The following ZFYVE28 variants were observed in gnomAD, a reference collection of about 807,000 sequenced individuals.
ZFYVE28 encodes lateral signaling target protein 2 homolog.
ZFYVE28 carries 40 observed loss-of-function variants against 82.1 expected under a neutral mutation model. The ratio of observed to expected loss-of-function variants is 0.49; its 90% confidence interval spans 0.38 to 0.63. The LOEUF (loss-of-function observed/expected upper bound fraction) is 0.63. ZFYVE28 is among the 30% of genes least tolerant of loss of function. The probability of loss-of-function intolerance (pLI) is 0.00; values close to 1 mark genes in which losing one functional copy is unlikely to be tolerated. For synonymous variants in ZFYVE28, 612 were observed against 546.1 expected, an observed-to-expected ratio of 1.12 and a Z score of -1.68; for missense variants, 1,321 against 1,242.1, an observed-to-expected ratio of 1.06 and a Z score of -0.96.
chr4:2,352,227 A>G (rs1271489081), intron 2 of ZFYVE28, among the ~76,000 whole-genome samples: 1 of 152,090 alleles, frequency 6.6e-6, no homozygotes, highest in Non-Finnish European at 1.5e-5. Context: ...GGGAGCTGGG[A>G]GGAACACCGG....
At position 2,409,492 on chromosome 4, in the gene ZFYVE28, A is replaced by T. The variant is rs1732283608; in HGVS notation, c.39+8793T>A. On this transcript the variant is annotated intron_variant, in intron 1 of 12. Transcript: ENST00000290974. This position sits in a 1 kb window ranked among gnomAD's most constrained non-coding sequence, Gnocchi z 4.4. Reference sequence around the variant, plus strand: ...ACCTTGTCCCCTGTGCTCCAAGTGCACCCAGCCTTTCAGGCTCCGCGACCC... The same window carrying T: ...ACCTTGTCCCCTGTGCTCCAAGTGCTCCCAGCCTTTCAGGCTCCGCGACCC... Among the ~76,000 whole-genome samples, 1 of 151,392 alleles carries T rather than the reference A, an allele frequency of 6.6e-6. No homozygotes were observed. The highest frequency in any genetic ancestry group is 1.5e-5 in the Non-Finnish European group (1 of 67,870).
chr4:2,397,043 G>A (rs1455438547), intron 1 of ZFYVE28, among the ~76,000 whole-genome samples: 1 of 152,236 alleles, frequency 6.6e-6, no homozygotes, highest in Non-Finnish European at 1.5e-5. Context: ...CACGGCCGGG[G>A]ATCAGGGAGG....
At chr4:2,323,779 T>C (rs1719457102) in intron 6 of ZFYVE28, among the ~76,000 whole-genome samples, 1 of 146,234 alleles carries the variant, frequency 6.8e-6, no homozygotes, top group Non-Finnish European at 1.5e-5. Context: ...CACCTATGAG[T>C]GAGAATATGC....
intron 7 of ZFYVE28, among the ~76,000 whole-genome samples, chr4:2,308,943 A>T (rs1578021028): frequency 6.6e-6 from 1 of 152,278 alleles, no homozygotes; most frequent in African/African-American, 2.4e-5. Context: ...TATAACTTTC[A>T]ATGGAGGTCT....
intron 7 of ZFYVE28, among the ~76,000 whole-genome samples, chr4:2,314,612 A>G (rs1023625954): frequency 3.9e-5 from 6 of 152,160 alleles, no homozygotes; most frequent in Non-Finnish European, 7.3e-5. Flanking sequence ...AATTTATTCA[A>G]TCACATTTCC....
chr4:2,335,750 T>C lies in ZFYVE28; in HGVS notation c.656A>G (p.Tyr219Cys). ...GATGCTGAACATGAGGGCCGGCTCGTAGTCATCAATCATGTCCTGAGTCAG... is the reference window on the plus strand; with the variant it reads ...GATGCTGAACATGAGGGCCGGCTCGCAGTCATCAATCATGTCCTGAGTCAG... Reference protein sequence around the residue: ...GYLTQDMIDDYEPALMFSIPR... With the variant: ...GYLTQDMIDDCEPALMFSIPR... The change falls in exon 6 of 13, where the codon TAC becomes TGC. Residue 219 changes from tyrosine (Y) to cysteine (C), a missense_variant. Tyr to Cys is a radical substitution (Grantham distance 194, BLOSUM62 -2). Coordinates refer to ENST00000290974, the MANE Select transcript of ZFYVE28 (RefSeq NM_020972.3). This position sits in a 1 kb window ranked among gnomAD's most constrained non-coding sequence, Gnocchi z 5.8. 1 of 1,573,872 alleles carries C rather than the reference T, an allele frequency of 6.4e-7. No homozygotes were observed. The highest frequency in any genetic ancestry group is 8.6e-7 in the Non-Finnish European group (1 of 1,159,718).
chr4:2,396,048 C>T lies in ZFYVE28; in HGVS notation c.39+22237G>A, dbSNP rs1335974350. Among the ~76,000 whole-genome samples, 5 of 151,108 alleles carry T rather than the reference C, an allele frequency of 3.3e-5. No homozygotes were observed. The East Asian group carries it at 9.9e-4, about 30-fold the overall frequency. Reference sequence around the variant, plus strand: ...CAGGATTTAAGGGGAGCTGATGGGACAAGCTATCCTGCAGAGGGGACCCAA... The same window carrying T: ...CAGGATTTAAGGGGAGCTGATGGGATAAGCTATCCTGCAGAGGGGACCCAA... On this transcript the variant is annotated intron_variant, in intron 1 of 12. Transcript: ENST00000290974.
In ZFYVE28 at chr4:2,355,262, ATATATATAT is replaced by A. The variant is rs1362284306; in HGVS notation, c.40-1198_40-1190del. ...TATATATATATATATATATATATAT[ATATATATAT>A]AATGATTCTTCTTTTTTTTTTTTTT... On this transcript the variant is annotated intron_variant, in intron 1 of 12. Coordinates refer to ENST00000290974, the MANE Select transcript of ZFYVE28 (RefSeq NM_020972.3). 3.1e-3 allele frequency among the ~76,000 whole-genome samples: 42 copies of A among 13,666 alleles called. 7 individuals carry two copies. The highest frequency in any genetic ancestry group is 5.8e-3 in the African/African-American group (16 of 2,774). The allele number at this position is 13,666 out of a possible 152,430, so 9.0% of individuals were successfully genotyped here.
At chr4:2,325,133 A>G (rs2108841610) in intron 6 of ZFYVE28, 2 of 152,360 alleles carry the variant, frequency 1.3e-5, no homozygotes, top group Non-Finnish European at 2.9e-5. Flanking sequence ...AGAAATCCCT[A>G]CAAGCTTCAG....
intron 1 of ZFYVE28, among the ~76,000 whole-genome samples, chr4:2,386,671 C>A (rs755670524): frequency 2.0e-5 from 3 of 152,224 alleles, no homozygotes; most frequent in Non-Finnish European, 4.4e-5. Flanking sequence ...AGAGTCCCTC[C>A]AGACAAGGAG....
chr4:2,304,220 G>C (rs945840560), intron 8 of ZFYVE28, 69 bp downstream of exon 8: 18 of 1,492,416 alleles, frequency 1.2e-5, no homozygotes, highest in African/African-American at 1.4e-5. Context: ...AATGCTTGGA[G>C]AATGCGCCAG....
intron 1 of ZFYVE28, among the ~76,000 whole-genome samples, chr4:2,400,511 C>A (rs1731060704): frequency 6.6e-6 from 1 of 152,032 alleles, no homozygotes; most frequent in Admixed American, 6.6e-5. Flanking sequence ...TCCCGGTTTG[C>A]CTGGGTATAT....
chr4:2,412,047 CT>C (rs1221400916), intron 1 of ZFYVE28, among the ~76,000 whole-genome samples: 2 of 152,198 alleles, frequency 1.3e-5, no homozygotes, highest in Non-Finnish European at 2.9e-5. Flanking sequence ...CATCTCCCCC[CT>C]GGGGCGCAGG....
At chr4:2,367,800 G>A (rs867759442) in intron 1 of ZFYVE28, among the ~76,000 whole-genome samples, 76 of 152,338 alleles carry the variant, frequency 5.0e-4, no homozygotes, top group Non-Finnish European at 1.1e-3. Context: ...ACCAGCCCAG[G>A]CAGGTGGACT....
At chr4:2,329,283 A>C in intron 6 of ZFYVE28, 1 of 443,184 alleles carries the variant, frequency 2.3e-6, no homozygotes, top group Non-Finnish European at 4.0e-6. Flanking sequence ...TTATGTCTTT[A>C]ATTTTTTCAG....
chr4:2,275,153 C>T lies in ZFYVE28; in HGVS notation c.2052-937G>A, dbSNP rs527881545. ...TGACTTCCAGACCTCAGGCTCTGTC[C>T]GTGGATGCCCTTGGAGGCTGAGGGA... On this transcript the variant is annotated intron_variant, in intron 8 of 12. Transcript: ENST00000290974. Among the ~76,000 whole-genome samples, 8 of 152,272 alleles carry T rather than the reference C, an allele frequency of 5.3e-5. No individual in the cohort carries two copies. In the East Asian group the frequency reaches 7.7e-4, roughly 15 times the overall value.
chr4:2,311,474 C>T (rs746907332), intron 7 of ZFYVE28, among the ~76,000 whole-genome samples: 14 of 152,058 alleles, frequency 9.2e-5, no homozygotes, highest in African/African-American at 1.5e-4. Context: ...TGCAGTGAGC[C>T]GAGATCGCAC....
intron 8 of ZFYVE28, among the ~76,000 whole-genome samples, chr4:2,278,753 C>CA (rs111557109): frequency 1.9e-3 from 256 of 137,888 alleles, no homozygotes; most frequent in African/African-American, 3.0e-3. Context: ...ACAAAAAGAC[C>CA]AAAAAAAAAA....
chr4:2,313,283 T>C (rs1317283549), intron 7 of ZFYVE28, among the ~76,000 whole-genome samples: 1 of 151,962 alleles, frequency 6.6e-6, no homozygotes, highest in Non-Finnish European at 1.5e-5. Flanking sequence ...TTTATTTAGA[T>C]AGGGTCTGGC....
Sources: gnomAD v4.1 joint callset for allele counts (sites outside exome capture counted in the v4.1 genomes callset) on GRCh38, gnomAD v4.1.1 for gene constraint, Gnocchi (gnomAD v3.1) non-coding constraint, MANE v1.5 for transcripts, NCBI Gene and HGNC (gene_info 2026-07-23, HGNC 2026-07-21) for gene names.